UACA: variants seen among roughly 807,000 people sequenced by gnomAD.
UACA encodes the protein nuclear membrane binding protein.
UACA carries 112 observed loss-of-function variants against 160.5 expected under a neutral mutation model. The ratio of observed to expected loss-of-function variants is 0.70; its 90% CI spans 0.60 to 0.82. UACA has a LOEUF of 0.82. Among genes scored for constraint, UACA ranks in the 40% least tolerant of loss-of-function variants. UACA has a pLI of 0.00. For missense variants in UACA, 1,574 were observed against 1,614.6 expected (o/e 0.97, Z 0.43); for synonymous variants, 557 against 568.4 (o/e 0.98, Z 0.29).
chr15:70,767,585 C>T (rs149055219), upstream of UACA, among the ~76,000 whole-genome samples: 2,249 of 149,284 alleles, frequency 0.015, 56 homozygotes, highest in African/African-American at 0.052. Flanking sequence ...AAGACTTCAT[C>T]TCAAAAAAAA....
chr15:70,758,865 ACAAT>A (rs1190121156), intron 1 of UACA: 5 of 152,188 alleles, frequency 3.3e-5, no homozygotes, highest in African/African-American at 1.2e-4. Flanking sequence ...GATTACTTCT[ACAAT>A]CAAAGTACTC....
intron 16 of UACA, among the ~76,000 whole-genome samples, chr15:70,666,141 C>A (rs1391150823): frequency 6.6e-6 from 1 of 152,160 alleles, no homozygotes; most frequent in African/African-American, 2.4e-5. Context: ...AGAGGAGGAA[C>A]TGTTTACTAT....
At chr15:70,676,046 C>T (rs956585788) in intron 13 of UACA, among the ~76,000 whole-genome samples, 20 of 152,166 alleles carry the variant, frequency 1.3e-4, no homozygotes, top group African/African-American at 4.1e-4. Flanking sequence ...TACTTTGGGG[C>T]TGCATTCACC....
At chr15:70,660,097 A>G in intron 18 of UACA, 54 bp downstream of exon 18, 2 of 1,431,802 alleles carry the variant, frequency 1.4e-6, no homozygotes, top group South Asian at 1.3e-5. Context: ...TTTGAAAATA[A>G]AAAATTATTA....
intron 1 of UACA, among the ~76,000 whole-genome samples, chr15:70,705,362 C>A (rs1566984966): frequency 6.6e-6 from 1 of 151,854 alleles, no homozygotes; most frequent in Non-Finnish European, 1.5e-5. Context: ...AGTAGAGAAA[C>A]CCCGTCTCTA....
chr15:70,658,904 A>G (rs751706771), intron 18 of UACA, among the ~76,000 whole-genome samples: 1 of 152,220 alleles, frequency 6.6e-6, no homozygotes, highest in Non-Finnish European at 1.5e-5. Context: ...TCTGATGTCA[A>G]TTGCTTTTGT....
intron 1 of UACA, among the ~76,000 whole-genome samples, chr15:70,761,720 GAA>G (rs1269163120): frequency 6.6e-6 from 1 of 152,060 alleles, no homozygotes; most frequent in African/African-American, 2.4e-5. Flanking sequence ...GTCATTTTGA[GAA>G]AAATAGAACG....
At chr15:70,693,404 TTA>T (rs1418586365) in intron 3 of UACA, among the ~76,000 whole-genome samples, 1 of 152,108 alleles carries the variant, frequency 6.6e-6, no homozygotes, top group East Asian at 1.9e-4. Context: ...TAAATACACT[TTA>T]ATATTAAACA....
intron 1 of UACA, among the ~76,000 whole-genome samples, chr15:70,761,016 AG>A (rs1201598276): frequency 6.6e-6 from 1 of 152,254 alleles, no homozygotes; most frequent in Non-Finnish European, 1.5e-5. Context: ...ATTCACTTTT[AG>A]GAATTAATCC....
intron 1 of UACA, among the ~76,000 whole-genome samples, chr15:70,752,697 A>T (rs2030162808): frequency 6.6e-6 from 1 of 152,166 alleles, no homozygotes; most frequent in Non-Finnish European, 1.5e-5. Context: ...CTACAGAGGT[A>T]ATATAAAAAA....
intron 1 of UACA, among the ~76,000 whole-genome samples, chr15:70,741,390 CCT>C (rs1186702881): frequency 6.6e-6 from 1 of 152,118 alleles, no homozygotes; most frequent in African/African-American, 2.4e-5. Flanking sequence ...GTGCTGATTC[CCT>C]GTTTGATACA....
At chr15:70,713,356 T>C (rs1361435389) in intron 1 of UACA, among the ~76,000 whole-genome samples, 1 of 151,980 alleles carries the variant, frequency 6.6e-6, no homozygotes, top group Non-Finnish European at 1.5e-5. Context: ...GGGAAGGAGA[T>C]GTGATGAAAA....
chr15:70,687,366 C>G lies in UACA; in HGVS notation c.602+174G>C, dbSNP rs1003901304. ...TATTTCCCTCTCCTTCTTTCTTCAGCAGACTCTGAAGAAAACTGACAAGTA... is the reference window on the plus strand; with the variant it reads ...TATTTCCCTCTCCTTCTTTCTTCAGGAGACTCTGAAGAAAACTGACAAGTA... On this transcript the variant is annotated intron_variant, in intron 7 of 18. Coordinates refer to ENST00000322954, the MANE Select transcript of UACA (RefSeq NM_018003.4). Among the ~76,000 whole-genome samples the G allele has an allele frequency of 3.3e-5, 5 of 152,116 alleles. 1 individual carries two copies. The South Asian group carries it at 1.0e-3, about 32-fold the overall frequency.
the UACA span, among the ~76,000 whole-genome samples, chr15:70,772,087 G>A: frequency 2.6e-5 from 4 of 152,162 alleles, no homozygotes; most frequent in East Asian, 3.9e-4. Flanking sequence ...GATCATAAAC[G>A]ACCAAAGGGG....
intron 1 of UACA, among the ~76,000 whole-genome samples, chr15:70,725,935 TACC>T (rs1899130971): frequency 6.6e-6 from 1 of 152,172 alleles, no homozygotes; most frequent in Admixed American, 6.5e-5. Context: ...ACTTGATCAT[TACC>T]CACTCCATGA....
intron 13 of UACA, among the ~76,000 whole-genome samples, chr15:70,674,651 T>C (rs1179569709): frequency 6.6e-6 from 1 of 152,070 alleles, no homozygotes; most frequent in Admixed American, 6.6e-5. Flanking sequence ...CAGGCTGGAG[T>C]GCAGTGGCGT....
chr15:70,765,186 A>T (rs2030977180), upstream of UACA, among the ~76,000 whole-genome samples: 1 of 152,074 alleles, frequency 6.6e-6, no homozygotes, highest in Non-Finnish European at 1.5e-5. Context: ...ATGCATACTG[A>T]TCCCTCCCCC....
chr15:70,695,986 G>A (rs961131321), intron 2 of UACA, among the ~76,000 whole-genome samples: 3 of 152,094 alleles, frequency 2.0e-5, no homozygotes, highest in Non-Finnish European at 2.9e-5. Context: ...ATCCAAACAG[G>A]TAAATACAAT....
At chr15:70,679,325 C>T (rs538362680) in intron 10 of UACA, among the ~76,000 whole-genome samples, 2 of 151,886 alleles carry the variant, frequency 1.3e-5, no homozygotes, top group South Asian at 4.2e-4. Flanking sequence ...ATCACTTGAA[C>T]CTGGGAGGCA....
Sources: allele counts gnomAD v4.1 joint callset (sites outside exome capture counted in the v4.1 genomes callset), GRCh38; gene constraint gnomAD v4.1.1; transcripts MANE v1.5; gene names NCBI Gene and HGNC (gene_info 2026-07-23, HGNC 2026-07-21).